POLK: variants seen among roughly 807,000 people sequenced by gnomAD.
POLK encodes the protein polymerase (DNA directed) kappa.
In POLK, 76 loss-of-function variants were observed where a neutral mutation model predicts 94.0. The observed-to-expected ratio is 0.81, with a 90% CI of 0.67 to 0.98. POLK has a LOEUF of 0.98. Among genes scored for constraint, POLK ranks in the 50% least tolerant of loss-of-function variants. The pLI is 0.00. For missense variants in POLK, 954 were observed against 1,010.1 expected (o/e 0.94, Z 0.75); for synonymous variants, 349 against 325.4 (o/e 1.07, Z -0.78).
intron 1 of POLK, among the ~76,000 whole-genome samples, chr5:75,514,979 T>C (rs954320362): frequency 1.1e-4 from 16 of 152,254 alleles, no homozygotes; most frequent in Admixed American, 9.2e-4. Flanking sequence ...AGTTTTTCTT[T>C]AGTTTAACAG....
chr5:75,608,519 A>G, the POLK span, among the ~76,000 whole-genome samples: 1 of 152,268 alleles, frequency 6.6e-6, no homozygotes, highest in African/African-American at 2.4e-5. Context: ...AAATCACTGT[A>G]TTTATGAAGT....
chr5:75,560,296 A>G (rs964666874), intron 3 of POLK, among the ~76,000 whole-genome samples: 3 of 152,218 alleles, frequency 2.0e-5, no homozygotes, highest in African/African-American at 7.2e-5. Flanking sequence ...CTTCTACTTT[A>G]TAATTATAGA....
chr5:75,536,653 G>A (rs1296333507), intron 1 of POLK, among the ~76,000 whole-genome samples: 2 of 152,096 alleles, frequency 1.3e-5, no homozygotes, highest in East Asian at 3.9e-4. Flanking sequence ...GACAATAGTA[G>A]GCTGTGCCTA....
At chr5:75,526,231 A>T (rs1219662017) in intron 1 of POLK, among the ~76,000 whole-genome samples, 1 of 152,158 alleles carries the variant, frequency 6.6e-6, no homozygotes, top group Admixed American at 6.5e-5. Flanking sequence ...GTCTCTTAAA[A>T]AAAAGAAAAA....
chr5:75,607,153 G>A, the POLK span, among the ~76,000 whole-genome samples: 1 of 152,160 alleles, frequency 6.6e-6, no homozygotes, highest in Non-Finnish European at 1.5e-5. Flanking sequence ...ATGTGACTGA[G>A]TTTTGACTAA....
At chr5:75,599,800 T>A (rs1269718625) in exon 15 of POLK, 1 of 152,194 alleles carries the variant, frequency 6.6e-6, no homozygotes, top group Non-Finnish European at 1.5e-5. Flanking sequence ...TGAAATAAAA[T>A]TTAAAGCTTT....
Position 75,574,464 on chromosome 5 carries a change from T to C in POLK, c.540+595T>C, listed in dbSNP as rs5744643. On this transcript the variant is annotated intron_variant, in intron 5 of 14. Coordinates refer to ENST00000241436, the Ensembl canonical transcript of POLK. ...ATGTGAAAACCGCCATTTTTTCTAT[T>C]TTTTATGACAACTGGTCTATCATGC... 4.2e-3 allele frequency among the ~76,000 whole-genome samples: 640 copies of C among 152,326 alleles called. 1 individual carries two copies. The highest frequency in any genetic ancestry group is 0.014 in the South Asian group (69 of 4,826).
At chr5:75,537,470 C>T (rs1368534681) in intron 1 of POLK, among the ~76,000 whole-genome samples, 1 of 152,238 alleles carries the variant, frequency 6.6e-6, no homozygotes, top group East Asian at 1.9e-4. Flanking sequence ...TTCCCTGCTG[C>T]CTTGATAGAT....
upstream of POLK, chr5:75,511,092 T>G: frequency 7.2e-6 from 11 of 1,528,316 alleles, no homozygotes; most frequent in Non-Finnish European, 9.7e-6. Flanking sequence ...AGGGGTCCCT[T>G]GGCACCAGGG....
rs76962528 is a variant in POLK at position 75,553,953 on chromosome 5, A to G, written c.255+1362A>G. Reference sequence around the variant, plus strand: ...TTTAGAGACCCAGGTTCTTTAAATCATATTGTTCCATCATCCCCTGGTGTT... The same window carrying G: ...TTTAGAGACCCAGGTTCTTTAAATCGTATTGTTCCATCATCCCCTGGTGTT... On this transcript the variant is annotated intron_variant, in intron 3 of 14. Transcript: ENST00000241436. Among the ~76,000 whole-genome samples the G allele has an allele frequency of 1.1e-3, 164 of 152,316 alleles. 1 individual carries two copies. The East Asian group carries it at 0.027, about 25-fold the overall frequency.
At chr5:75,551,860 C>T (rs1475403409) in intron 2 of POLK, among the ~76,000 whole-genome samples, 1 of 152,166 alleles carries the variant, frequency 6.6e-6, no homozygotes, top group African/African-American at 2.4e-5. Context: ...AAACCCTACT[C>T]CTAGTTACCT....
intron 5 of POLK, 42 bp downstream of exon 5, chr5:75,573,911 T>C (rs1163630544): frequency 6.3e-7 from 1 of 1,599,858 alleles, no homozygotes; most frequent in Non-Finnish European, 8.6e-7. Flanking sequence ...TTCACTGAGT[T>C]CCTGTCACCT....
intron 3 of POLK, among the ~76,000 whole-genome samples, chr5:75,566,608 C>T (rs1382574375): frequency 2.0e-5 from 3 of 152,176 alleles, no homozygotes; most frequent in African/African-American, 4.8e-5. Flanking sequence ...CACGGCTTCC[C>T]TTGGCTAGGG....
At chr5:75,511,827 G>C (rs1447214575) in exon 1 of POLK, 1 of 1,551,080 alleles carries the variant, frequency 6.4e-7, no homozygotes, top group East Asian at 2.4e-5. Context: ...GCGGGGTAGG[G>C]ATGCAGCTGT....
intron 2 of POLK, among the ~76,000 whole-genome samples, chr5:75,550,373 G>A (rs1050835074): frequency 2.6e-5 from 4 of 152,150 alleles, no homozygotes; most frequent in Non-Finnish European, 4.4e-5. Flanking sequence ...GAGGTCAGGA[G>A]TTCAAGACCA....
chr5:75,607,016 A>G, the POLK span, among the ~76,000 whole-genome samples: 11,911 of 152,288 alleles, frequency 0.078, 555 homozygotes, highest in South Asian at 0.17. Context: ...CTCAACTTCA[A>G]TTCAGGCAGA....
intron 9 of POLK, among the ~76,000 whole-genome samples, chr5:75,586,274 G>A (rs1373015146): frequency 1.3e-5 from 2 of 151,952 alleles, no homozygotes; most frequent in East Asian, 3.9e-4. Flanking sequence ...TTTAATCTGA[G>A]TACTTCTCCC....
chr5:75,517,982 G>C (rs1360487998), intron 1 of POLK, among the ~76,000 whole-genome samples: 1 of 152,118 alleles, frequency 6.6e-6, no homozygotes, highest in Non-Finnish European at 1.5e-5. Context: ...TCCCTTGGAT[G>C]AATCCCACTT....
At chr5:75,557,936 T>C (rs1303609638) in intron 3 of POLK, among the ~76,000 whole-genome samples, 7 of 152,030 alleles carry the variant, frequency 4.6e-5, no homozygotes, top group Admixed American at 4.6e-4. Flanking sequence ...TTAGAGATGC[T>C]CACTGCCATG....
Sources: allele counts gnomAD v4.1 joint callset (sites outside exome capture counted in the v4.1 genomes callset), GRCh38; gene constraint gnomAD v4.1.1; transcripts MANE v1.5; gene names NCBI Gene and HGNC (gene_info 2026-07-23, HGNC 2026-07-21).